Variants in KLF12 observed in about 807,000 individuals in gnomAD.
KLF12 encodes the protein KLF transcription factor 12.
In KLF12, 9 loss-of-function variants were observed where a neutral mutation model predicts 37.8. The observed-to-expected ratio is 0.24, with a 90% confidence interval of 0.14 to 0.42. The LOEUF (loss-of-function observed/expected upper bound fraction) is 0.42. Among genes scored for constraint, KLF12 ranks in the 10% least tolerant of loss-of-function variants. The pLI, the probability that KLF12 is intolerant of heterozygous loss-of-function variation, is 1.00. For missense variants in KLF12, 411 were observed against 516.0 expected, an observed-to-expected ratio of 0.80 and a Z score of 1.97; for synonymous variants, 208 against 202.1, an observed-to-expected ratio of 1.03 and a Z score of -0.25.
chr13:73,864,901 C>T (rs1250941238), intron 3 of KLF12, among the ~76,000 whole-genome samples: 1 of 152,010 alleles, frequency 6.6e-6, no homozygotes, highest in Non-Finnish European at 1.5e-5. Flanking sequence ...TAATAGTTTT[C>T]AATCCAATAT....
chr13:74,160,363 G>T, the KLF12 span, among the ~76,000 whole-genome samples: 1 of 152,032 alleles, frequency 6.6e-6, no homozygotes, highest in Non-Finnish European at 1.5e-5. Flanking sequence ...CATCTTATTT[G>T]TATCATCTTG....
intron 4 of KLF12, among the ~76,000 whole-genome samples, chr13:73,822,196 T>A (rs946803286): frequency 6.6e-6 from 1 of 152,246 alleles, no homozygotes; most frequent in African/African-American, 2.4e-5. Context: ...ATTCTAATAT[T>A]AACATTTGTG....
At chr13:73,827,926 T>C (rs188154672) in intron 4 of KLF12, among the ~76,000 whole-genome samples, 32 of 152,326 alleles carry the variant, frequency 2.1e-4, no homozygotes, top group Non-Finnish European at 4.4e-4. Flanking sequence ...TTCATGCATA[T>C]ATTTATCTAC....
chr13:74,237,847 A>G, the KLF12 span, among the ~76,000 whole-genome samples: 6 of 152,204 alleles, frequency 3.9e-5, no homozygotes, highest in Admixed American at 1.3e-4. Flanking sequence ...GGGCTGAGAC[A>G]ATGGGGTTTT....
At chr13:73,727,229 A>AT (rs1459371956) in intron 6 of KLF12, among the ~76,000 whole-genome samples, 1 of 152,080 alleles carries the variant, frequency 6.6e-6, no homozygotes, top group Admixed American at 6.6e-5. Flanking sequence ...TCACTTTATT[A>AT]TTTTTTGTGA....
Position 73,921,001 on chromosome 13 carries a change from C to G in KLF12, c.123+22980G>C, listed in dbSNP as rs527580625. Among the ~76,000 whole-genome samples, 182 of 152,242 alleles carry G rather than the reference C, an allele frequency of 1.2e-3. 2 individuals are homozygous for G. The highest frequency in any genetic ancestry group is 4.3e-3 in the African/African-American group (177 of 41,532). On this transcript the variant is annotated intron_variant, in intron 3 of 7. Coordinates refer to ENST00000377669, the MANE Select transcript of KLF12 (RefSeq NM_007249.5). ...CTTGGGTCTCCTTCTAAAATCTCAT[C>G]AAACAGAGATTAACTGATAGGAAAG...
chr13:74,007,474 ACC>A (rs1892440547), intron 1 of KLF12, among the ~76,000 whole-genome samples: 1 of 151,378 alleles, frequency 6.6e-6, no homozygotes, highest in African/African-American at 2.4e-5. Flanking sequence ...ACAGGGTTTC[ACC>A]GTGTTCGCCA....
At chr13:74,209,189 T>C in the KLF12 span, among the ~76,000 whole-genome samples, 1 of 152,070 alleles carries the variant, frequency 6.6e-6, no homozygotes, top group South Asian at 2.1e-4. Context: ...ATTCAATAGA[T>C]ATTGGATTCC....
Position 73,764,931 on chromosome 13 carries a change from T to C in KLF12, c.869+7A>G. On this transcript the variant is annotated splice_region_variant and intron_variant, in intron 6 of 7. Transcript: ENST00000377669. ...CTACAAATACTCATATTAGACTGTATACTCACCAAGGAAACTTTTGATTAT... is the reference window on the plus strand; with the variant it reads ...CTACAAATACTCATATTAGACTGTACACTCACCAAGGAAACTTTTGATTAT... 1.3e-6 allele frequency: 2 copies of C among 1,505,280 alleles called. No individual in the cohort carries two copies. The highest frequency in any genetic ancestry group is 1.8e-6 in the Non-Finnish European group (2 of 1,082,262). 93.2% of individuals were successfully genotyped at this position (1,505,280 alleles called of 1,614,324 possible). A position where few individuals can be genotyped will look rare whatever the true frequency, so the allele number is the denominator to read the frequency against.
At chr13:73,825,453 C>A (rs568651758) in intron 4 of KLF12, among the ~76,000 whole-genome samples, 1 of 152,322 alleles carries the variant, frequency 6.6e-6, no homozygotes, top group South Asian at 2.1e-4. Context: ...ACCAAGAGAG[C>A]ATAGGAGGTA....
chr13:73,918,097 A>C (rs1486337200), intron 3 of KLF12, among the ~76,000 whole-genome samples: 1 of 151,878 alleles, frequency 6.6e-6, no homozygotes, highest in Admixed American at 6.6e-5. Context: ...CACACACCAT[A>C]TACACACACA....
At chr13:74,129,734 C>G (rs562279599) in intron 1 of KLF12, among the ~76,000 whole-genome samples, 3 of 151,590 alleles carry the variant, frequency 2.0e-5, no homozygotes, top group African/African-American at 7.3e-5. Context: ...GAGCAGAATT[C>G]TTTGGGTGAA....
At chr13:74,244,367 G>T in the KLF12 span, among the ~76,000 whole-genome samples, 5 of 152,292 alleles carry the variant, frequency 3.3e-5, no homozygotes, top group East Asian at 7.7e-4. Context: ...GTGGCATGAA[G>T]AACATGAGCT....
rs139830073 is a variant in KLF12 at position 73,752,726 on chromosome 13, A to ATTT, written c.869+12211_869+12212insAAA. On this transcript the variant is annotated intron_variant, in intron 6 of 7. Coordinates refer to ENST00000377669, the MANE Select transcript of KLF12 (RefSeq NM_007249.5). Reference sequence around the variant, plus strand: ...CTCATTCCCCTGCTCCCTTCCACATATATATTTTTTTTTTTTTGACACAGA... The same window carrying ATTT: ...CTCATTCCCCTGCTCCCTTCCACATATTTTATATTTTTTTTTTTTTGACACAGA... Among the ~76,000 whole-genome samples the ATTT allele has an allele frequency of 1.8e-4, 19 of 108,118 alleles. 6 individuals are homozygous for ATTT. The highest frequency in any genetic ancestry group is 4.4e-4 in the East Asian group (2 of 4,574). The allele number at this position is 108,118 out of a possible 152,430, so 70.9% of individuals were successfully genotyped here.
intron 3 of KLF12, among the ~76,000 whole-genome samples, chr13:73,846,582 T>C (rs1021059976): frequency 2.6e-5 from 4 of 152,102 alleles, no homozygotes; most frequent in Admixed American, 2.6e-4. Context: ...GCCTCTACCA[T>C]AAAGACATTT....
At chr13:74,186,710 C>CTAA in the KLF12 span, among the ~76,000 whole-genome samples, 4 of 152,142 alleles carry the variant, frequency 2.6e-5, no homozygotes, top group Non-Finnish European at 5.9e-5. Context: ...CTACATTTTA[C>CTAA]CTACATTTAA....
In KLF12 at chr13:74,030,057, T is replaced by A. The variant is rs564435142; in HGVS notation, c.-31-35004A>T. Among the ~76,000 whole-genome samples the A allele has an allele frequency of 9.0e-4, 137 of 152,220 alleles. 1 individual carries two copies. The highest frequency in any genetic ancestry group is 3.0e-3 in the African/African-American group (123 of 41,558). ...GATCATTTCATAGCACATTAAAAAA[T>A]TTTTAAGTGACTATTTGTCTTGAAT... On this transcript the variant is annotated intron_variant, in intron 1 of 7. Transcript: ENST00000377669.
At chr13:74,252,380 T>A in the KLF12 span, among the ~76,000 whole-genome samples, 1 of 152,162 alleles carries the variant, frequency 6.6e-6, no homozygotes, top group Non-Finnish European at 1.5e-5. Context: ...TTGTTACAGG[T>A]ATACCTCTTT....
At chr13:74,127,549 G>A (rs1878010721) in intron 1 of KLF12, among the ~76,000 whole-genome samples, 1 of 152,232 alleles carries the variant, frequency 6.6e-6, no homozygotes, top group South Asian at 2.1e-4. Flanking sequence ...ATTGGAGTCA[G>A]GCAAGATACC....
Sources: allele counts gnomAD v4.1 joint callset (sites outside exome capture counted in the v4.1 genomes callset), GRCh38; gene constraint gnomAD v4.1.1; transcripts MANE v1.5; gene names NCBI Gene and HGNC (gene_info 2026-07-23, HGNC 2026-07-21).